The following FANCC variants were observed in gnomAD, a reference collection of about 807,000 sequenced individuals.
FANCC encodes the protein FA complementation group C.
In FANCC, 55 loss-of-function variants were observed where a neutral mutation model predicts 71.3. The observed-to-expected ratio is 0.77, with a 90% CI of 0.62 to 0.97. FANCC has a LOEUF of 0.97. Ranked by LOEUF, FANCC falls within the 50% of genes least tolerant of loss-of-function variation. FANCC has a pLI of 0.00. For missense variants in FANCC, 678 were observed against 670.9 expected, an observed-to-expected ratio of 1.01 and a Z score of -0.12; for synonymous variants, 275 against 244.9, an observed-to-expected ratio of 1.12 and a Z score of -1.15.
At chr9:95,204,381 GT>G (rs1370433144) in intron 4 of FANCC, among the ~76,000 whole-genome samples, 2 of 152,230 alleles carry the variant, frequency 1.3e-5, no homozygotes, top group Non-Finnish European at 2.9e-5. Flanking sequence ...ACTGGGAGAT[GT>G]TCTGAGAGCA....
At chr9:95,159,126 G>A (rs191135994) in intron 6 of FANCC, among the ~76,000 whole-genome samples, 6 of 152,016 alleles carry the variant, frequency 3.9e-5, no homozygotes, top group Admixed American at 2.6e-4. Flanking sequence ...TTGGTTTGCT[G>A]CACCCATTAC....
intron 1 of FANCC, among the ~76,000 whole-genome samples, chr9:95,268,504 G>C (rs1297608066): frequency 1.3e-5 from 2 of 152,132 alleles, no homozygotes; most frequent in East Asian, 3.8e-4. Context: ...TCTTTCTGCT[G>C]CATCTTCTCT....
intron 1 of FANCC, among the ~76,000 whole-genome samples, chr9:95,257,002 T>C (rs1192954581): frequency 6.6e-6 from 1 of 152,172 alleles, no homozygotes; most frequent in Admixed American, 6.5e-5. Context: ...TAAATATATA[T>C]GCACCCAATA....
chr9:95,310,455 C>T (rs1835321727), intron 1 of FANCC, among the ~76,000 whole-genome samples: 1 of 152,140 alleles, frequency 6.6e-6, no homozygotes, highest in Non-Finnish European at 1.5e-5. Flanking sequence ...TGATCTGTCT[C>T]TCCATCCTGC....
chr9:95,109,917 T>C (rs1014629412), intron 13 of FANCC, among the ~76,000 whole-genome samples: 1 of 152,178 alleles, frequency 6.6e-6, no homozygotes, highest in Non-Finnish European at 1.5e-5. Context: ...GTACGTATCA[T>C]TCATTAAACT....
chr9:95,126,581 G>T lies in FANCC; in HGVS notation c.844C>A (p.Pro282Thr). 2 of 1,613,996 alleles carry T rather than the reference G, an allele frequency of 1.2e-6. No individual in the cohort carries two copies. Among genetic ancestry groups the T allele is most frequent in the Non-Finnish European group, 8.5e-7 (1 of 1,179,900 alleles). ...ATGGCAGGGTGGCAGGCTGCTTGAG[G>T]CTGTAAAAGGAGAAGACCATGAGAA... The part of the protein sequence containing the change: ...IECFIKDSSL[P>T]QAACHPAIFR... The change falls in exon 9 of 15, where the codon CCT becomes ACT. Residue 282 changes from proline (P) to threonine (T), a missense_variant and splice_region_variant. Pro to Thr is a conservative substitution (Grantham distance 38). Coordinates refer to ENST00000289081, the MANE Select transcript of FANCC (RefSeq NM_000136.3).
intron 1 of FANCC, chr9:95,317,066 G>A (rs1188716280): frequency 6.6e-6 from 1 of 152,488 alleles, no homozygotes; most frequent in East Asian, 1.9e-4. Context: ...AGCTGTAGAG[G>A]GCGACCGGCT....
intron 4 of FANCC, among the ~76,000 whole-genome samples, chr9:95,201,266 C>T (rs1827788902): frequency 6.6e-6 from 1 of 152,044 alleles, no homozygotes; most frequent in South Asian, 2.1e-4. Context: ...ACACACCCAC[C>T]CGCTTGCACT....
At position 95,258,897 on chromosome 9, in the gene FANCC, C is replaced by T. The variant is rs552868365; in HGVS notation, c.-78-9528G>A. On this transcript the variant is annotated intron_variant, in intron 1 of 14. Transcript: ENST00000289081. ...CACAAGCATTCCTATACACCAATAA[C>T]AGACAAACAGAGAGCCAAATCATGA... Among the ~76,000 whole-genome samples the T allele has an allele frequency of 3.9e-5, 6 of 152,160 alleles. No homozygotes were observed. The South Asian group carries it at 8.3e-4, about 21-fold the overall frequency.
intron 1 of FANCC, among the ~76,000 whole-genome samples, chr9:95,308,684 T>C (rs1371993330): frequency 6.6e-6 from 1 of 152,160 alleles, no homozygotes; most frequent in East Asian, 1.9e-4. Flanking sequence ...CGGCCTAGAC[T>C]TAAATTATTT....
At position 95,249,334 on chromosome 9, in the gene FANCC, T is replaced by C. The variant is rs776717328; in HGVS notation, c.-43A>G. 2 of 1,593,624 alleles carry C rather than the reference T, an allele frequency of 1.3e-6. No homozygotes were observed. The highest frequency in any genetic ancestry group is 2.7e-5 in the African/African-American group (2 of 74,538). ...GGTGATGTCCCTTCACAGCAGCCTG[T>C]CCAGCACTGAAGGAAATGGTCGGCA... is the stretch of plus-strand genomic sequence containing the variant. On this transcript the variant is annotated 5_prime_UTR_variant, in exon 2 of 15. Transcript: ENST00000289081.
chr9:95,195,657 A>G (rs542918735), intron 4 of FANCC, among the ~76,000 whole-genome samples: 10 of 152,340 alleles, frequency 6.6e-5, no homozygotes, highest in African/African-American at 2.2e-4. Context: ...AAGCCTTGCT[A>G]GAATTTTGAT....
intron 1 of FANCC, among the ~76,000 whole-genome samples, chr9:95,278,925 C>T (rs1472793794): frequency 6.6e-6 from 1 of 152,078 alleles, no homozygotes; most frequent in Non-Finnish European, 1.5e-5. Flanking sequence ...ACTACTCATG[C>T]CTGTAATCCC....
chr9:95,148,090 C>T (rs1486665273), intron 7 of FANCC, among the ~76,000 whole-genome samples: 1 of 152,130 alleles, frequency 6.6e-6, no homozygotes, highest in Non-Finnish European at 1.5e-5. Flanking sequence ...ACAGCCCTCA[C>T]GCTACTCTTC....
chr9:95,232,216 G>A (rs1198484696), intron 4 of FANCC, among the ~76,000 whole-genome samples: 1 of 152,068 alleles, frequency 6.6e-6, no homozygotes, highest in African/African-American at 2.4e-5. Context: ...TAGTACCAGG[G>A]GGATGGTGCT....
At chr9:95,297,951 G>A (rs1194751740) in intron 1 of FANCC, among the ~76,000 whole-genome samples, 3 of 152,160 alleles carry the variant, frequency 2.0e-5, no homozygotes, top group African/African-American at 7.2e-5. Context: ...ACAAAACAGA[G>A]TAAGGACTCT....
At chr9:95,175,713 A>AG (rs776740744) in intron 4 of FANCC, among the ~76,000 whole-genome samples, 2 of 152,210 alleles carry the variant, frequency 1.3e-5, no homozygotes, top group Non-Finnish European at 2.9e-5. Context: ...GCGAAGGCGG[A>AG]GGGTGGGGCC....
intron 6 of FANCC, among the ~76,000 whole-genome samples, chr9:95,169,962 A>G (rs1825558408): frequency 6.6e-6 from 1 of 152,272 alleles, no homozygotes; most frequent in Non-Finnish European, 1.5e-5. Flanking sequence ...AGTCATTTCT[A>G]TATTTTGCAT....
At chr9:95,131,139 G>GTT (rs1485782365) in intron 8 of FANCC, among the ~76,000 whole-genome samples, 2 of 152,098 alleles carry the variant, frequency 1.3e-5, no homozygotes, top group Non-Finnish European at 2.9e-5. Context: ...TGTTTAATTA[G>GTT]TGATAAATCT....
Sources: allele counts gnomAD v4.1 joint callset (sites outside exome capture counted in the v4.1 genomes callset), GRCh38; gene constraint gnomAD v4.1.1; transcripts MANE v1.5; gene names NCBI Gene and HGNC (gene_info 2026-07-23, HGNC 2026-07-21).